ANKZF1: variants seen among roughly 807,000 people sequenced by gnomAD.
ANKZF1 encodes the protein tRNA endonuclease ANKZF1.
In ANKZF1, 84 loss-of-function variants were observed where a neutral mutation model predicts 86.0. The ratio of observed to expected loss-of-function variants is 0.98; its 90% CI spans 0.82 to 1.17. The LOEUF (loss-of-function observed/expected upper bound fraction) is 1.17, where lower values mean the gene tolerates loss of function less well. Ranked by LOEUF, ANKZF1 falls within the 50% of genes most tolerant of loss-of-function variation. The pLI, the probability that ANKZF1 is intolerant of heterozygous loss-of-function variation, is 0.00. For synonymous variants in ANKZF1, 331 were observed against 354.2 expected, an observed-to-expected ratio of 0.93 and a Z score of 0.74; for missense variants, 893 against 918.4, an observed-to-expected ratio of 0.97 and a Z score of 0.36.
Position 219,232,575 on chromosome 2 carries a change from A to G in ANKZF1, c.450A>G (p.Thr150=), listed in dbSNP as rs1165703672. 1 of 1,614,204 alleles carries G rather than the reference A, an allele frequency of 6.2e-7. No individual in the cohort carries two copies. The highest frequency in any genetic ancestry group is 8.5e-7 in the Non-Finnish European group (1 of 1,180,034). Residue 150 remains threonine, a synonymous_variant, in exon 5 of 14, where the codon ACA becomes ACG. Coordinates refer to ENST00000323348, the MANE Select transcript of ANKZF1 (RefSeq NM_018089.3). ...DLQTLDRERA[T]FEKLSRPPGF... is the part of the protein sequence containing the mutation. The stretch of plus-strand genomic sequence containing the variant: ...AGACACTGGATCGGGAGAGGGCTAC[A>G]TTTGAGAAGTTGAGCCGACCCCCAG...
At position 219,233,876 on chromosome 2, in the gene ANKZF1, C is replaced by T; in HGVS notation, c.981C>T (p.Ala327=). Residue 327 remains alanine, a synonymous_variant, in exon 8 of 14, where the codon GCC becomes GCT. Transcript: ENST00000323348. ...CCCGACTTTGGGATATCCCCCTCGC[C>T]ACCCGCAGACCCACCTTCCAAGAGC... ...GDPRLWDIPL[A]TRRPTFQELQ... 6.2e-7 allele frequency: 1 copy of T among 1,611,304 alleles called. No homozygotes were observed. Among genetic ancestry groups the T allele is most frequent in the Non-Finnish European group, 8.5e-7 (1 of 1,178,754 alleles).
At chr2:219,236,148 T>TG in intron 13 of ANKZF1, 53 bp downstream of exon 13, 1 of 1,609,980 alleles carries the variant, frequency 6.2e-7, no homozygotes, top group South Asian at 1.1e-5. Context: ...CAGGGACCAT[T>TG]GGGGGCAAGA....
intron 2 of ANKZF1, chr2:219,230,627 C>A: frequency 2.2e-6 from 1 of 447,500 alleles, no homozygotes; most frequent in Non-Finnish European, 3.8e-6. Context: ...ACACCATTCC[C>A]TTCAAAAACA....
chr2:219,235,972 A>G (rs1403598606), intron 12 of ANKZF1, 38 bp from the exon 13 acceptor site: 2 of 1,613,986 alleles, frequency 1.2e-6, no homozygotes, highest in East Asian at 4.5e-5. Context: ...CCTACTCGCC[A>G]CTGGGGCCTT....
At position 219,235,810 on chromosome 2, in the gene ANKZF1, C is replaced by G; in HGVS notation, c.1906C>G (p.Gln636Glu). The change falls in exon 12 of 14, where the codon CAG becomes GAG. Residue 636 changes from glutamine (Q) to glutamate (E), a missense_variant. Transcript: ENST00000323348. ...ACGGGAGGAACAGCAGCAGAGGCAG[C>G]AGGAGCAGGAGGAGCGTGAACGAGA... ...RQREEQQQRQ[Q>E]EQEEREREEQ... is the part of the protein sequence containing the mutation. The G allele has an allele frequency of 2.5e-6, 4 of 1,607,956 alleles. No homozygotes were observed. The highest frequency in any genetic ancestry group is 3.4e-6 in the Non-Finnish European group (4 of 1,175,178).
chr2:219,233,198 G>A lies in ANKZF1; in HGVS notation c.671+7G>A. The A allele has an allele frequency of 6.2e-7, 1 of 1,614,232 alleles. No homozygotes were observed. Among genetic ancestry groups the A allele is most frequent in the Non-Finnish European group, 8.5e-7 (1 of 1,180,030 alleles). On this transcript the variant is annotated splice_region_variant and intron_variant, in intron 6 of 13. Transcript: ENST00000323348. ...CTGGTGCTATATTTCAAGGGTGAGA[G>A]GGTGCTGCATGGGGGTAAGGATGGA... is the stretch of plus-strand genomic sequence containing the variant.
In ANKZF1 at chr2:219,235,841, AGCGGCGATTTGCC is replaced by A; in HGVS notation, c.1940_1952del (p.Arg647ProfsTer48). On this transcript the variant is annotated frameshift_variant, in exon 12 of 14. Coordinates refer to ENST00000323348, the MANE Select transcript of ANKZF1 (RefSeq NM_018089.3). LOFTEE classifies it high-confidence loss of function. ...CAGGAGGAGCGTGAACGAGAAGAGC[AGCGGCGATTTGCC>A]GCCCTCAGTGACCGAGAGAAGGTGA... 6.2e-7 allele frequency: 1 copy of A among 1,614,218 alleles called. No homozygotes were observed. Among genetic ancestry groups the A allele is most frequent in the Non-Finnish European group, 8.5e-7 (1 of 1,180,038 alleles).
In ANKZF1 at chr2:219,236,553, G is replaced by A; in HGVS notation, c.*108G>A. The stretch of plus-strand genomic sequence containing the variant: ...AACCAGAGATGATTTGGAAGATGGG[G>A]GTGAAGGACACTCGGGAACTAGGGC... On this transcript the variant is annotated 3_prime_UTR_variant, in exon 14 of 14. Transcript: ENST00000323348. 7.1e-7 allele frequency: 1 copy of A among 1,416,966 alleles called. No individual in the cohort carries two copies. The highest frequency in any genetic ancestry group is 9.5e-7 in the Non-Finnish European group (1 of 1,056,816). The allele number at this position is 1,416,966 out of a possible 1,614,324, so 87.8% of individuals were successfully genotyped here.
At position 219,236,557 on chromosome 2, in the gene ANKZF1, A is replaced by T; in HGVS notation, c.*112A>T. 1 of 1,405,352 alleles carries T rather than the reference A, an allele frequency of 7.1e-7. No homozygotes were observed. Among genetic ancestry groups the T allele is most frequent in the Non-Finnish European group, 9.5e-7 (1 of 1,047,138 alleles). 87.1% of individuals were successfully genotyped at this position (1,405,352 alleles called of 1,614,324 possible). ...AGAGATGATTTGGAAGATGGGGGTG[A>T]AGGACACTCGGGAACTAGGGCAAAG... On this transcript the variant is annotated 3_prime_UTR_variant, in exon 14 of 14. Coordinates refer to ENST00000323348, the MANE Select transcript of ANKZF1 (RefSeq NM_018089.3).
chr2:219,233,594 ATTC>A, intron 7 of ANKZF1, 118 bp from the exon 8 acceptor site: 1 of 1,404,332 alleles, frequency 7.1e-7, no homozygotes, highest in Non-Finnish European at 9.7e-7. Flanking sequence ...TTAGTCCTCT[ATTC>A]TTTCTCCGTG....
Position 219,232,246 on chromosome 2 carries a change from T to G in ANKZF1, c.262-14T>G. 1 of 1,612,464 alleles carries G rather than the reference T, an allele frequency of 6.2e-7. No individual in the cohort carries two copies. The highest frequency in any genetic ancestry group is 8.5e-7 in the Non-Finnish European group (1 of 1,178,442). ...ATATTTCCACCTTTATCTCACTCTT[T>G]GTCTTTGTACTAGAGGGAACATTAT... On this transcript the variant is annotated splice_polypyrimidine_tract_variant and intron_variant, in intron 3 of 13. Transcript: ENST00000323348.
At chr2:219,235,450 C>T in intron 10 of ANKZF1, 24 bp from the exon 11 acceptor site, 1 of 1,612,214 alleles carries the variant, frequency 6.2e-7, no homozygotes, top group Admixed American at 1.7e-5. Flanking sequence ...AAGTTAAACC[C>T]ATTTTTGGAG....
chr2:219,231,786 T>C (rs771865233), intron 2 of ANKZF1, 142 bp from the exon 3 acceptor site: 113 of 670,188 alleles, frequency 1.7e-4, no homozygotes, highest in Non-Finnish European at 2.6e-4. Flanking sequence ...TTCATGACTA[T>C]TAGAGTGTAA....
chr2:219,232,017 A>T lies in ANKZF1; in HGVS notation c.238A>T (p.Thr80Ser). The T allele has an allele frequency of 6.2e-7, 1 of 1,608,060 alleles. No individual in the cohort carries two copies. The highest frequency in any genetic ancestry group is 8.5e-7 in the Non-Finnish European group (1 of 1,178,058). ...EKLFCSTCDQ[T>S]FQNHQEQREH... is the part of the protein sequence containing the mutation. ...GTTATTTTGTTCAACTTGTGACCAGACCTTCCAGAACCACCAAGAACAGGT... is the reference window on the plus strand; with the variant it reads ...GTTATTTTGTTCAACTTGTGACCAGTCCTTCCAGAACCACCAAGAACAGGT... Residue 80 changes from threonine (T) to serine (S), a missense_variant, in exon 3 of 14, where the codon ACC becomes TCC. Thr to Ser is a moderately conservative substitution (Grantham distance 58). Coordinates refer to ENST00000323348, the MANE Select transcript of ANKZF1 (RefSeq NM_018089.3).
chr2:219,234,273 G>C lies in ANKZF1; in HGVS notation c.1189G>C (p.Glu397Gln), dbSNP rs368810674. Residue 397 changes from glutamate (E) to glutamine (Q), a missense_variant, in exon 9 of 14, where the codon GAA becomes CAA. Glu to Gln is a conservative substitution (Grantham distance 29). Coordinates refer to ENST00000323348, the MANE Select transcript of ANKZF1 (RefSeq NM_018089.3). ...AAAGGAAGCGCTGGGGCAGAATGAG[G>C]AATCTCCCAAACAGGGTTTGATTAC... ...DEKEALGQNE[E>Q]SPKQGSGSEG... The C allele has an allele frequency of 3.2e-5, 51 of 1,613,778 alleles. No individual in the cohort carries two copies. The highest frequency in any genetic ancestry group is 4.2e-5 in the Non-Finnish European group (50 of 1,180,040).
chr2:219,233,527 ATCCT>A (rs1189325551), intron 7 of ANKZF1, 94 bp downstream of exon 7: 1 of 1,457,174 alleles, frequency 6.9e-7, no homozygotes, highest in Non-Finnish European at 9.1e-7. Context: ...TTTGACTCAT[ATCCT>A]TCCAATTTTC....
rs1432167380 is a variant in ANKZF1, at chr2:219,236,669, A to G, written c.*224A>G. 5.1e-6 allele frequency: 3 copies of G among 583,736 alleles called. No homozygotes were observed. The highest frequency in any genetic ancestry group is 8.4e-6 in the Non-Finnish European group (3 of 356,142). The allele number at this position is 583,736 out of a possible 1,614,324, so 36.2% of individuals were successfully genotyped here. ...GCAAGGAATGTGTACTTGTACTTACATTCAGAGGCACTGTGGCCTTTAGTT... is the reference window on the plus strand; with the variant it reads ...GCAAGGAATGTGTACTTGTACTTACGTTCAGAGGCACTGTGGCCTTTAGTT... On this transcript the variant is annotated 3_prime_UTR_variant, in exon 14 of 14. Coordinates refer to ENST00000323348, the MANE Select transcript of ANKZF1 (RefSeq NM_018089.3).
In ANKZF1 at chr2:219,234,238, G is replaced by T. The variant is rs768121043; in HGVS notation, c.1154G>T (p.Cys385Phe). 3 of 1,613,932 alleles carry T rather than the reference G, an allele frequency of 1.9e-6. No homozygotes were observed. The African/African-American group carries it at 4.0e-5, about 22-fold the overall frequency. ...ACTGAGGAAGAAATAAGAAAGATCT[G>T]CAGGGATGAAAAGGAAGCGCTGGGG... ...KPTEEEIRKI[C>F]RDEKEALGQN... The change falls in exon 9 of 14, where the codon TGC becomes TTC. Residue 385 changes from cysteine (C) to phenylalanine (F), a missense_variant. Physicochemically the swap from Cys to Phe is radical, Grantham distance 205. Coordinates refer to ENST00000323348, the MANE Select transcript of ANKZF1 (RefSeq NM_018089.3).
intron 3 of ANKZF1, 63 bp downstream of exon 3, chr2:219,232,103 T>C: frequency 1.4e-6 from 2 of 1,475,644 alleles, no homozygotes; most frequent in Non-Finnish European, 1.9e-6. Context: ...TGGGGAGAGG[T>C]AGACATTTGA....
Sources: gnomAD v4.1 joint callset for allele counts on GRCh38, gnomAD v4.1.1 for gene constraint, MANE v1.5 for transcripts, NCBI Gene and HGNC (gene_info 2026-07-23, HGNC 2026-07-21) for gene names.